Variants in ZER1 observed in about 807,000 individuals in gnomAD.
ZER1 encodes the protein zyg-11 related cell cycle regulator, also known as protein zer-1 homolog.
In ZER1, 11 loss-of-function variants were observed where a neutral mutation model predicts 78.8. That is an observed-to-expected ratio of 0.14 (90% CI 0.09 to 0.23). The LOEUF is 0.23. Ranked by LOEUF, ZER1 falls within the 10% of genes least tolerant of loss-of-function variation. The probability of loss-of-function intolerance (pLI) is 1.00; values close to 1 mark genes in which losing one functional copy is unlikely to be tolerated. For missense variants in ZER1, 588 were observed against 996.9 expected (o/e 0.59, Z 5.52); for synonymous variants, 400 against 407.0 (o/e 0.98, Z 0.21).
At chr9:128,733,711 C>T (rs1355196557) in intron 14 of ZER1, among the ~76,000 whole-genome samples, 183 bp from the exon 15 acceptor site, 2 of 150,872 alleles carry the variant, frequency 1.3e-5, no homozygotes, top group African/African-American at 2.4e-5. Flanking sequence ...GGGAGTTCTG[C>T]GTCCATGTAG....
At chr9:128,752,051 T>C in intron 5 of ZER1, among the ~76,000 whole-genome samples, 1 of 152,236 alleles carries the variant, frequency 6.6e-6, no homozygotes, top group African/African-American at 2.4e-5. Context: ...TGCTCTCACC[T>C]ACTGGCCTTT....
At chr9:128,762,162 G>A (rs1864072245) in intron 1 of ZER1, among the ~76,000 whole-genome samples, 1 of 149,406 alleles carries the variant, frequency 6.7e-6, no homozygotes, top group Admixed American at 6.7e-5. Flanking sequence ...TGTATTTTAC[G>A]TGTCGCCCAA....
At chr9:128,766,347 C>CA (rs1190668112) in intron 1 of ZER1, among the ~76,000 whole-genome samples, 6,309 of 52,830 alleles carry the variant, frequency 0.12, 626 homozygotes, top group African/African-American at 0.3. Context: ...GATTCCATCT[C>CA]AAAAAAAAAA....
chr9:128,751,147 C>A lies in ZER1; in HGVS notation c.1160G>T (p.Cys387Phe). The A allele has an allele frequency of 6.3e-7, 1 of 1,599,778 alleles. No individual in the cohort carries two copies. The highest frequency in any genetic ancestry group is 8.5e-7 in the Non-Finnish European group (1 of 1,170,256). Residue 387 changes from cysteine to phenylalanine, a missense_variant, in exon 7 of 16, where the codon TGC becomes TTC. By Grantham distance (205) the Cys-to-Phe change is radical. Coordinates refer to ENST00000291900, the MANE Select transcript of ZER1 (RefSeq NM_006336.4). The surrounding 1 kb of genome is among the most constrained non-coding windows in gnomAD (Gnocchi z 5.4). ...CTTCAGGGCCCGCAGCAGCTGGTTG[C>A]AACGCTCGATGCGGGCGATGTCAAA... Reference protein sequence around the residue: ...LLFDIARIERCNQLLRALKLV... With the variant: ...LLFDIARIERFNQLLRALKLV...
chr9:128,735,463 T>G lies in ZER1; in HGVS notation c.2043-32A>C, dbSNP rs1181015192. ...GAAAAGAAATCAAGGTCACTGTGGA[T>G]GCTGAGGGTGGGGAGTGTGTCTTTT... is the stretch of plus-strand genomic sequence containing the variant. On this transcript the variant is annotated intron_variant, in intron 13 of 15. Coordinates refer to ENST00000291900, the MANE Select transcript of ZER1 (RefSeq NM_006336.4). 3 of 1,597,002 alleles carry G rather than the reference T, an allele frequency of 1.9e-6. No individual in the cohort carries two copies. In the Admixed American group the frequency reaches 5.1e-5, roughly 27 times the overall value.
Position 128,755,959 on chromosome 9 carries a change from CCA to C in ZER1, c.-94-302_-94-301del, listed in dbSNP as rs1488761895. ...ATACAGATTTTCACTCTTCAGCTTCCCACAGTCTGAAGAGCTACACTGGGGTG... is the reference window on the plus strand; with the variant it reads ...ATACAGATTTTCACTCTTCAGCTTCCCAGTCTGAAGAGCTACACTGGGGTG... On this transcript the variant is annotated intron_variant, in intron 1 of 15. Coordinates refer to ENST00000291900, the MANE Select transcript of ZER1 (RefSeq NM_006336.4). The surrounding 1 kb of genome is among the most constrained non-coding windows in gnomAD (Gnocchi z 5.6). Among the ~76,000 whole-genome samples the C allele has an allele frequency of 6.6e-6, 1 of 152,160 alleles. No homozygotes were observed. Among genetic ancestry groups the C allele is most frequent in the East Asian group, 1.9e-4 (1 of 5,194 alleles).
chr9:128,739,913 T>C lies in ZER1; in HGVS notation c.2042+18A>G. 1 of 1,597,246 alleles carries C rather than the reference T, an allele frequency of 6.3e-7. No individual in the cohort carries two copies. Among genetic ancestry groups the C allele is most frequent in the East Asian group, 2.3e-5 (1 of 44,342 alleles). On this transcript the variant is annotated intron_variant, in intron 13 of 15. Transcript: ENST00000291900. ...CCCATATTCCACACCGCATCCCCGCTCCCTGCCCTGCCCACACCTGTAATT... is the reference window on the plus strand; with the variant it reads ...CCCATATTCCACACCGCATCCCCGCCCCCTGCCCTGCCCACACCTGTAATT...
In ZER1 at chr9:128,755,094, A is replaced by G. The variant is rs980606933; in HGVS notation, c.158+314T>C. Among the ~76,000 whole-genome samples the G allele has an allele frequency of 2.0e-5, 3 of 152,160 alleles. No individual in the cohort carries two copies. Among genetic ancestry groups the G allele is most frequent in the Non-Finnish European group, 2.9e-5 (2 of 68,024 alleles). On this transcript the variant is annotated intron_variant, in intron 2 of 15. Transcript: ENST00000291900. This position sits in a 1 kb window ranked among gnomAD's most constrained non-coding sequence, Gnocchi z 5.6. ...TCATTTATATGCAGATTTTGACACA[A>G]TCACATCTCTAAATGCACACATGCA...
intron 8 of ZER1, among the ~76,000 whole-genome samples, chr9:128,748,342 C>T (rs1863564116): frequency 6.8e-6 from 1 of 148,070 alleles, no homozygotes; most frequent in African/African-American, 2.5e-5. Context: ...GTGGAGCTTG[C>T]AGTGAGCCGA....
intron 8 of ZER1, among the ~76,000 whole-genome samples, chr9:128,743,893 CTTTTTTTTTTTT>C (rs35174986): frequency 5.2e-5 from 2 of 38,546 alleles, no homozygotes; most frequent in African/African-American, 2.3e-4. Context: ...ATGGCCCCTG[CTTTTTTTTTTTT>C]TTTTTTTTTT....
intron 8 of ZER1, among the ~76,000 whole-genome samples, chr9:128,748,182 G>A (rs1863556949): frequency 6.6e-6 from 1 of 152,068 alleles, no homozygotes; most frequent in Non-Finnish European, 1.5e-5. Flanking sequence ...GACGCAGGCG[G>A]ATCATGAGGT....
Position 128,753,489 on chromosome 9 carries a change from T to C in ZER1, c.421A>G (p.Asn141Asp). The C allele has an allele frequency of 6.2e-7, 1 of 1,614,118 alleles. No homozygotes were observed. Among genetic ancestry groups the C allele is most frequent in the Non-Finnish European group, 8.5e-7 (1 of 1,180,024 alleles). The change falls in exon 4 of 16, where the codon AAC (asparagine) becomes GAC (aspartate). Residue 141 changes from asparagine to aspartate, a missense_variant. By Grantham distance (23) the Asn-to-Asp change is conservative. Coordinates refer to ENST00000291900, the MANE Select transcript of ZER1 (RefSeq NM_006336.4). This position sits in a 1 kb window ranked among gnomAD's most constrained non-coding sequence, Gnocchi z 7.5. ...GGGTTCTCCTCCTCATAGAAAATGT[T>C]TGTACAGCCGAAGAGGCTCAAGGAC... ...LVSLSLFGCT[N>D]IFYEEENPGG...
Position 128,755,744 on chromosome 9 carries a change from A to G in ZER1, c.-94-85T>C, listed in dbSNP as rs567544261. 13 of 757,240 alleles carry G rather than the reference A, an allele frequency of 1.7e-5. No homozygotes were observed. In the African/African-American group the frequency reaches 1.8e-4, roughly 10 times the overall value. The allele number at this position is 757,240 out of a possible 1,614,324, so 46.9% of individuals were successfully genotyped here. ...CCATGTCCACGCTCTGAGTAGGGAAACTGAGACCACACTCCAATTAGCAGC... is the reference window on the plus strand; with the variant it reads ...CCATGTCCACGCTCTGAGTAGGGAAGCTGAGACCACACTCCAATTAGCAGC... On this transcript the variant is annotated intron_variant, in intron 1 of 15. Transcript: ENST00000291900. The surrounding 1 kb of genome is among the most constrained non-coding windows in gnomAD (Gnocchi z 5.6).
In ZER1 at chr9:128,753,062, G is replaced by T; in HGVS notation, c.746+102C>A. On this transcript the variant is annotated intron_variant, in intron 4 of 15. Transcript: ENST00000291900. The surrounding 1 kb of genome is among the most constrained non-coding windows in gnomAD (Gnocchi z 7.5). ...TGTCTTCATCCCCACCCTCTGCCTAGCCAAGCGCTCCTGAACCCTGAGGGC... is the reference window on the plus strand; with the variant it reads ...TGTCTTCATCCCCACCCTCTGCCTATCCAAGCGCTCCTGAACCCTGAGGGC... 7.7e-7 allele frequency: 1 copy of T among 1,299,206 alleles called. No homozygotes were observed. Among genetic ancestry groups the T allele is most frequent in the Non-Finnish European group, 1.0e-6 (1 of 969,796 alleles). 80.5% of individuals were successfully genotyped at this position (1,299,206 alleles called of 1,614,324 possible). A position where few individuals can be genotyped will look rare whatever the true frequency, so the allele number is the denominator to read the frequency against.
In ZER1 at chr9:128,750,730, G is replaced by A. The variant is rs200518943; in HGVS notation, c.1245C>T (p.Ser415=). The change falls in exon 8 of 16, where the codon AGC becomes AGT. Residue 415 remains serine (S), a synonymous_variant. Coordinates refer to ENST00000291900, the MANE Select transcript of ZER1 (RefSeq NM_006336.4). ...KYDRNIQVTG[S]AALFYLTNSE... is the part of the protein sequence containing the mutation. ...AATTTGTTAGGTAGAAGAGAGCGGC[G>A]CTGCCTGTCACTTGAATGTTCCTGT... 11 of 1,614,084 alleles carry A rather than the reference G, an allele frequency of 6.8e-6. No individual in the cohort carries two copies. The highest frequency in any genetic ancestry group is 5.0e-5 in the Admixed American group (3 of 59,990).
intron 9 of ZER1, 63 bp downstream of exon 9, chr9:128,742,467 G>T: frequency 6.3e-7 from 1 of 1,588,146 alleles, no homozygotes. Context: ...TCTCGCTCAG[G>T]GTAGAGGGGT....
chr9:128,733,620 G>T, intron 14 of ZER1, 92 bp from the exon 15 acceptor site: 1 of 1,147,300 alleles, frequency 8.7e-7, no homozygotes, highest in Non-Finnish European at 1.3e-6. Context: ...GGACTATCCT[G>T]GTGTCGGGGG....
At chr9:128,735,214 C>G in intron 14 of ZER1, 120 bp downstream of exon 14, 1 of 917,300 alleles carries the variant, frequency 1.1e-6, no homozygotes, top group Non-Finnish European at 1.6e-6. Context: ...GAGGGTTCTG[C>G]TCTGAGGCAC....
intron 5 of ZER1, among the ~76,000 whole-genome samples, chr9:128,752,190 G>A (rs538150879): frequency 6.6e-6 from 1 of 152,274 alleles, no homozygotes; most frequent in African/African-American, 2.4e-5. Context: ...GCCCTGGATT[G>A]CCCCTACCAT....
Sources: gnomAD v4.1 joint callset for allele counts (sites outside exome capture counted in the v4.1 genomes callset) on GRCh38, gnomAD v4.1.1 for gene constraint, Gnocchi (gnomAD v3.1) non-coding constraint, MANE v1.5 for transcripts, NCBI Gene and HGNC (gene_info 2026-07-23, HGNC 2026-07-21) for gene names.